ZNF516: variants seen among roughly 807,000 people sequenced by gnomAD.
ZNF516 encodes zinc finger protein 516.
In ZNF516, 19 loss-of-function variants were observed where a neutral mutation model predicts 79.7. The ratio of observed to expected loss-of-function variants is 0.24; its 90% CI spans 0.17 to 0.35. The LOEUF (loss-of-function observed/expected upper bound fraction) is 0.35. Ranked by LOEUF, ZNF516 falls within the 10% of genes least tolerant of loss-of-function variation. The pLI is 1.00. For missense variants in ZNF516, 1,678 were observed against 1,679.5 expected (o/e 1.00, Z 0.02); for synonymous variants, 877 against 739.5 (o/e 1.19, Z -3.02).
At chr18:76,427,393 A>G (rs754965638) in intron 3 of ZNF516, among the ~76,000 whole-genome samples, 14 of 152,246 alleles carry the variant, frequency 9.2e-5, no homozygotes, top group South Asian at 4.1e-4. Context: ...TGGAGAAAAC[A>G]TAACATAACC....
At chr18:76,402,106 T>C (rs142710976) in intron 3 of ZNF516, among the ~76,000 whole-genome samples, 3 of 148,834 alleles carry the variant, frequency 2.0e-5, no homozygotes, top group Non-Finnish European at 4.5e-5. Context: ...AGAAATTGTA[T>C]ATGCACAAGC....
Position 76,362,440 on chromosome 18 carries a change from T to C in ZNF516, c.*58A>G. 1 of 1,560,282 alleles carries C rather than the reference T, an allele frequency of 6.4e-7. No homozygotes were observed. Among genetic ancestry groups the C allele is most frequent in the South Asian group, 1.1e-5 (1 of 87,640 alleles). On this transcript the variant is annotated 3_prime_UTR_variant, in exon 7 of 7. Transcript: ENST00000443185. ...TCACAGGTGGGAGGCTGCTGGGACA[T>C]CGTGAGGGTACTGCTAATGGCCGTT...
At chr18:76,496,282 C>A, upstream of ZNF516, 2 of 1,288,882 alleles carry the variant, frequency 1.6e-6, no homozygotes, top group South Asian at 2.5e-5. Flanking sequence ...CCACCAGGCT[C>A]CTGGCCGTAT....
At chr18:76,400,272 G>A (rs1244670779) in intron 3 of ZNF516, among the ~76,000 whole-genome samples, 1 of 152,136 alleles carries the variant, frequency 6.6e-6, no homozygotes, top group African/African-American at 2.4e-5. Flanking sequence ...CGAGGCTCAC[G>A]GTGTTCACGA....
In ZNF516 at chr18:76,443,172, C is replaced by A; in HGVS notation, c.-118G>T. The A allele has an allele frequency of 7.1e-7, 1 of 1,404,150 alleles. No individual in the cohort carries two copies. Among genetic ancestry groups the A allele is most frequent in the Non-Finnish European group, 9.3e-7 (1 of 1,073,832 alleles). 87.0% of individuals were successfully genotyped at this position (1,404,150 alleles called of 1,614,324 possible). On this transcript the variant is annotated 5_prime_UTR_variant, in exon 3 of 7. Coordinates refer to ENST00000443185, the MANE Select transcript of ZNF516 (RefSeq NM_014643.4). ...AAGACGTGCCTGCTCCCAGGAGGTGCACCTTCTACATGGGGGGCGCAGCAG... is the reference window on the plus strand; with the variant it reads ...AAGACGTGCCTGCTCCCAGGAGGTGAACCTTCTACATGGGGGGCGCAGCAG...
chr18:76,404,380 C>T (rs1050835637), intron 3 of ZNF516, among the ~76,000 whole-genome samples: 3 of 152,024 alleles, frequency 2.0e-5, no homozygotes, highest in African/African-American at 4.8e-5. Context: ...TGTGTGTGAA[C>T]GGCAGTTTTA....
intron 3 of ZNF516, among the ~76,000 whole-genome samples, chr18:76,405,157 G>C (rs567058904): frequency 1.3e-5 from 2 of 152,206 alleles, no homozygotes; most frequent in Non-Finnish European, 2.9e-5. Context: ...TCGGGAACAC[G>C]GTTTCCAGGG....
chr18:76,491,098 C>G, intron 1 of ZNF516: 1 of 984,936 alleles, frequency 1.0e-6, no homozygotes, highest in Non-Finnish European at 1.2e-6. Context: ...CGGGGCCACG[C>G]CTTTCCCACC....
At chr18:76,419,789 C>A (rs2075482060) in intron 3 of ZNF516, among the ~76,000 whole-genome samples, 1 of 152,200 alleles carries the variant, frequency 6.6e-6, no homozygotes, top group Admixed American at 6.5e-5. Context: ...AACCTCTTTC[C>A]TTTATAACTT....
At position 76,360,420 on chromosome 18, in the gene ZNF516, A is replaced by C. The variant is rs1449547475; in HGVS notation, c.*2078T>G. 1 of 152,030 alleles carries C rather than the reference A, an allele frequency of 6.6e-6. No individual in the cohort carries two copies. The highest frequency in any genetic ancestry group is 6.6e-5 in the Admixed American group (1 of 15,254). 9.4% of individuals were successfully genotyped at this position (152,030 alleles called of 1,614,324 possible). A position where few individuals can be genotyped will look rare whatever the true frequency, so the allele number is the denominator to read the frequency against. On this transcript the variant is annotated 3_prime_UTR_variant, in exon 7 of 7. Transcript: ENST00000443185. ...AATGCAGAAATGATCACTGTGGGGA[A>C]ACTACTGAAATGATTAAACATAAAT...
intron 2 of ZNF516, among the ~76,000 whole-genome samples, chr18:76,444,872 C>T (rs999925401): frequency 1.3e-5 from 2 of 152,208 alleles, no homozygotes; most frequent in South Asian, 2.1e-4. Context: ...GCAAATACAG[C>T]GCCAGGTAGA....
At chr18:76,491,607 TCCGCCCCTTC>T (rs914140175) in intron 1 of ZNF516, 5 of 293,942 alleles carry the variant, frequency 1.7e-5, no homozygotes, top group Admixed American at 7.7e-5. Flanking sequence ...CCCGTGCTTC[TCCGCCCCTTC>T]CCGCCCCGCC....
chr18:76,438,585 G>A (rs1325627368), intron 3 of ZNF516, among the ~76,000 whole-genome samples: 1 of 152,180 alleles, frequency 6.6e-6, no homozygotes, highest in South Asian at 2.1e-4. Context: ...AACGAGAGCT[G>A]CTGTGACCAA....
rs748455883 is a variant in ZNF516, at chr18:76,379,926, G to A, written c.2188C>T (p.Leu730Phe). The A allele has an allele frequency of 2.1e-5, 34 of 1,613,872 alleles. No individual in the cohort carries two copies. In the Admixed American group the frequency reaches 5.7e-4, roughly 27 times the overall value. The change falls in exon 4 of 7, where the codon CTC (leucine) becomes TTC (phenylalanine). Residue 730 changes from leucine (L) to phenylalanine (F), a missense_variant. By Grantham distance (22) the Leu-to-Phe change is conservative. Transcript: ENST00000443185. ...GGGKRALAPD[L>F]MPLDLSARST... ...CTCGCACTTAAATCTAGCGGCATGA[G>A]GTCTGGGGCCAGCGCCCGCTTCCCT...
At chr18:76,492,195 T>C (rs1388909296) in intron 1 of ZNF516, 1 of 985,272 alleles carries the variant, frequency 1.0e-6, no homozygotes, top group Admixed American at 6.1e-5. Context: ...AACCCCGCGG[T>C]GCTCCCGGAA....
At chr18:76,483,862 C>T (rs1190711287) in intron 1 of ZNF516, among the ~76,000 whole-genome samples, 1 of 152,184 alleles carries the variant, frequency 6.6e-6, no homozygotes, top group East Asian at 1.9e-4. Context: ...ACCAGATTTT[C>T]CACGTTCCTC....
At chr18:76,423,761 C>T (rs77791227) in intron 3 of ZNF516, among the ~76,000 whole-genome samples, 3 of 147,626 alleles carry the variant, frequency 2.0e-5, no homozygotes, top group South Asian at 2.2e-4. Context: ...GGTGAAAAGG[C>T]TCCCCCGAAA....
intron 3 of ZNF516, among the ~76,000 whole-genome samples, chr18:76,437,374 CG>C (rs1310979979): frequency 6.6e-6 from 1 of 151,958 alleles, no homozygotes; most frequent in Non-Finnish European, 1.5e-5. Flanking sequence ...AGCGAGGGGA[CG>C]GGAAACGTGA....
rs145419683 is a variant in ZNF516, at chr18:76,359,646, G to C, written c.*2852C>G. On this transcript the variant is annotated 3_prime_UTR_variant, in exon 7 of 7. Coordinates refer to ENST00000443185, the MANE Select transcript of ZNF516 (RefSeq NM_014643.4). ...GGGAAGCAGCGAGCGGAAAGCAGGG[G>C]AGAGACACCGAGAAGCTGCAGTGTA... 3.7e-4 allele frequency: 56 copies of C among 152,288 alleles called. No individual in the cohort carries two copies. The highest frequency in any genetic ancestry group is 1.3e-3 in the African/African-American group (56 of 41,518). 9.4% of individuals were successfully genotyped at this position (152,288 alleles called of 1,614,324 possible).
Sources: gnomAD v4.1 joint callset for allele counts (sites outside exome capture counted in the v4.1 genomes callset) on GRCh38, gnomAD v4.1.1 for gene constraint, MANE v1.5 for transcripts, NCBI Gene and HGNC (gene_info 2026-07-23, HGNC 2026-07-21) for gene names.